The following SH3GL3 variants were observed in gnomAD, a reference collection of about 807,000 sequenced individuals.
The protein encoded by SH3GL3 is endophilin-A3.
SH3GL3 carries 33 observed loss-of-function variants against 47.7 expected under a neutral mutation model. That is an observed-to-expected ratio of 0.69 (90% CI 0.52 to 0.92). The LOEUF is 0.92. SH3GL3 is among the 40% of genes least tolerant of loss of function. SH3GL3 has a pLI of 0.00. For missense variants in SH3GL3, 363 were observed against 417.8 expected, an observed-to-expected ratio of 0.87 and a Z score of 1.14; for synonymous variants, 155 against 148.8, an observed-to-expected ratio of 1.04 and a Z score of -0.30.
intron 6 of SH3GL3, among the ~76,000 whole-genome samples, chr15:83,584,976 T>C (rs897286420): frequency 1.3e-5 from 2 of 152,228 alleles, no homozygotes; most frequent in East Asian, 3.8e-4. Context: ...TTTCTAATCG[T>C]GGTTCAGGAA....
chr15:83,509,613 G>T (rs976459573), intron 1 of SH3GL3, among the ~76,000 whole-genome samples: 1 of 152,130 alleles, frequency 6.6e-6, no homozygotes, highest in Non-Finnish European at 1.5e-5. Context: ...GTCAGTACTG[G>T]TTCCTGATAC....
At chr15:83,552,462 C>G (rs565151124) in intron 1 of SH3GL3, among the ~76,000 whole-genome samples, 2 of 151,852 alleles carry the variant, frequency 1.3e-5, no homozygotes, top group Admixed American at 1.3e-4. Flanking sequence ...TTGTTGGTTC[C>G]TAACTTAATT....
chr15:83,543,987 A>G (rs901919475), intron 1 of SH3GL3, among the ~76,000 whole-genome samples: 4 of 150,836 alleles, frequency 2.7e-5, no homozygotes, highest in African/African-American at 9.7e-5. Context: ...GACCTTTTAT[A>G]TTGCCTTTTC....
At chr15:83,556,849 G>A (rs939431615) in intron 1 of SH3GL3, among the ~76,000 whole-genome samples, 2 of 152,194 alleles carry the variant, frequency 1.3e-5, no homozygotes, top group African/African-American at 4.8e-5. Flanking sequence ...CCTGTTGCCG[G>A]TCAGCTGCCA....
At chr15:83,552,274 G>A (rs1441915452) in intron 1 of SH3GL3, among the ~76,000 whole-genome samples, 2 of 152,172 alleles carry the variant, frequency 1.3e-5, no homozygotes, top group Non-Finnish European at 2.9e-5. Flanking sequence ...GGTGTTCTTT[G>A]AAATGTATTT....
intron 1 of SH3GL3, among the ~76,000 whole-genome samples, chr15:83,556,913 T>C (rs2044988967): frequency 6.6e-6 from 1 of 152,206 alleles, no homozygotes; most frequent in Non-Finnish European, 1.5e-5. Context: ...GGCTGATCTC[T>C]GATCCACGTG....
chr15:83,556,283 C>A (rs2562772), intron 1 of SH3GL3, among the ~76,000 whole-genome samples: 121,819 of 152,208 alleles, frequency 0.8, 49,731 homozygotes, highest in African/African-American at 0.86. Context: ...AATATAATTA[C>A]GTGGCCTAAA....
In SH3GL3 at chr15:83,597,852, C is replaced by T. The variant is rs962895061; in HGVS notation, c.838+9081C>T. Reference sequence around the variant, plus strand: ...TGCGAACTCCTGACCTCGTGATCTGCCCAACTCGGCCTCCCGAAGTGCTGG... The same window carrying T: ...TGCGAACTCCTGACCTCGTGATCTGTCCAACTCGGCCTCCCGAAGTGCTGG... On this transcript the variant is annotated intron_variant, in intron 8 of 8. Coordinates refer to ENST00000427482, the MANE Select transcript of SH3GL3 (RefSeq NM_003027.5). 2.0e-5 allele frequency among the ~76,000 whole-genome samples: 3 copies of T among 152,168 alleles called. No homozygotes were observed. The South Asian group carries it at 6.2e-4, about 32-fold the overall frequency.
chr15:83,567,775 G>A (rs1275325108), intron 3 of SH3GL3, among the ~76,000 whole-genome samples: 1 of 151,942 alleles, frequency 6.6e-6, no homozygotes, highest in Non-Finnish European at 1.5e-5. Flanking sequence ...TATCCTCCTC[G>A]GCAATTCTAT....
At chr15:83,481,274 C>CAA (rs5814148) in intron 1 of SH3GL3, among the ~76,000 whole-genome samples, 2,142 of 116,108 alleles carry the variant, frequency 0.018, 30 homozygotes, top group Non-Finnish European at 0.026. Context: ...CATTCTGTCT[C>CAA]AAAAAAAAAA....
chr15:83,535,438 T>G (rs1261329700), intron 1 of SH3GL3, among the ~76,000 whole-genome samples: 2 of 152,176 alleles, frequency 1.3e-5, no homozygotes, highest in East Asian at 1.9e-4. Flanking sequence ...AAATAGCTAC[T>G]CGACATTGTC....
chr15:83,538,121 T>C (rs1290853046), intron 1 of SH3GL3, among the ~76,000 whole-genome samples: 1 of 152,158 alleles, frequency 6.6e-6, no homozygotes, highest in Non-Finnish European at 1.5e-5. Flanking sequence ...CCCCTGGGAT[T>C]TTTGTTCTCT....
At chr15:83,593,105 A>G (rs2060150499) in intron 8 of SH3GL3, among the ~76,000 whole-genome samples, 4 of 152,220 alleles carry the variant, frequency 2.6e-5, no homozygotes. Flanking sequence ...CTGTAGCTTT[A>G]TAAGTTTTGA....
At chr15:83,449,135 C>G (rs543618780) in intron 1 of SH3GL3, among the ~76,000 whole-genome samples, 28 of 152,260 alleles carry the variant, frequency 1.8e-4, no homozygotes, top group Admixed American at 3.9e-4. Flanking sequence ...AGACAGCACC[C>G]CCATTTAGGG....
intron 1 of SH3GL3, among the ~76,000 whole-genome samples, chr15:83,507,420 A>AT (rs1272827231): frequency 2.3e-4 from 34 of 150,306 alleles, no homozygotes; most frequent in Admixed American, 7.3e-4. Context: ...TATTATTATT[A>AT]TTATTTTTTT....
At chr15:83,571,894 C>T (rs2045834885) in intron 4 of SH3GL3, among the ~76,000 whole-genome samples, 1 of 152,124 alleles carries the variant, frequency 6.6e-6, no homozygotes, top group Non-Finnish European at 1.5e-5. Flanking sequence ...CAAATTACTG[C>T]CGATTAACCG....
chr15:83,456,815 G>A (rs1233144881), intron 1 of SH3GL3, among the ~76,000 whole-genome samples: 2 of 152,006 alleles, frequency 1.3e-5, no homozygotes, highest in Non-Finnish European at 1.5e-5. Flanking sequence ...GTTCCTATTC[G>A]GCCATCTTGG....
At chr15:83,456,682 A>G (rs1026546946) in intron 1 of SH3GL3, among the ~76,000 whole-genome samples, 147 of 143,396 alleles carry the variant, frequency 1.0e-3, no homozygotes, top group East Asian at 2.7e-3. Flanking sequence ...CACGGTGCGC[A>G]CACACACTGG....
intron 4 of SH3GL3, among the ~76,000 whole-genome samples, chr15:83,572,212 A>C (rs1438297629): frequency 6.6e-6 from 1 of 152,224 alleles, no homozygotes; most frequent in Non-Finnish European, 1.5e-5. Flanking sequence ...ATTGTTTACA[A>C]AGAGATTTTA....
Sources: allele counts gnomAD v4.1 joint callset (sites outside exome capture counted in the v4.1 genomes callset), GRCh38; gene constraint gnomAD v4.1.1; transcripts MANE v1.5; gene names NCBI Gene and HGNC (gene_info 2026-07-23, HGNC 2026-07-21).